TCEA1: variants seen among roughly 807,000 people sequenced by gnomAD.
TCEA1 encodes transcription elongation factor A1, also known as transcription elongation factor A protein 1.
TCEA1 carries 21 observed loss-of-function variants against 43.8 expected under a neutral mutation model. That is an observed-to-expected ratio of 0.48 (90% CI 0.34 to 0.69). The LOEUF is 0.69. Among genes scored for constraint, TCEA1 ranks in the 30% least tolerant of loss-of-function variants. The probability of loss-of-function intolerance (pLI) is 0.01; values close to 1 mark genes in which losing one functional copy is unlikely to be tolerated. For missense variants in TCEA1, 250 were observed against 365.1 expected (o/e 0.68, Z 2.57); for synonymous variants, 104 against 117.5 (o/e 0.88, Z 0.75).
intron 9 of TCEA1, among the ~76,000 whole-genome samples, chr8:53,969,334 A>G (rs1026652424): frequency 6.6e-6 from 1 of 152,084 alleles, no homozygotes; most frequent in African/African-American, 2.4e-5. Flanking sequence ...ACTGGCCCCA[A>G]CCCCTTAAAG....
At chr8:53,999,850 AAAAATGTAACCATTAACTAACCAT>A in intron 3 of TCEA1, 71 bp downstream of exon 3, 1 of 882,906 alleles carries the variant, frequency 1.1e-6, no homozygotes, top group Non-Finnish European at 1.8e-6. Context: ...TCACTAAGAA[AAAAATGTAACCATTAACTAACCAT>A]AAAATGTAAC....
chr8:53,988,007 TGGGC>T (rs1297540974), intron 5 of TCEA1, 103 bp downstream of exon 5: 7 of 1,351,710 alleles, frequency 5.2e-6, no homozygotes, highest in Non-Finnish European at 6.9e-6. Context: ...CAGCAGTGGG[TGGGC>T]TATCCACAGG....
At chr8:53,986,295 A>G (rs1298906334) in intron 6 of TCEA1, among the ~76,000 whole-genome samples, 1 of 152,232 alleles carries the variant, frequency 6.6e-6, no homozygotes, top group Non-Finnish European at 1.5e-5. Flanking sequence ...CAAAGCCCAG[A>G]GTCCTCAGCT....
At chr8:53,998,284 T>C (rs1191665315) in intron 3 of TCEA1, among the ~76,000 whole-genome samples, 2 of 152,120 alleles carry the variant, frequency 1.3e-5, no homozygotes, top group Non-Finnish European at 2.9e-5. Flanking sequence ...TATATGAGAG[T>C]TATGTGATAT....
chr8:53,978,971 C>T, intron 8 of TCEA1, 54 bp downstream of exon 8: 1 of 1,527,956 alleles, frequency 6.5e-7, no homozygotes, highest in South Asian at 1.2e-5. Flanking sequence ...TATTTTAAAA[C>T]AGGAGTTGCA....
chr8:53,991,190 C>T (rs1486668587), intron 4 of TCEA1, among the ~76,000 whole-genome samples: 2 of 151,964 alleles, frequency 1.3e-5, no homozygotes, highest in Non-Finnish European at 2.9e-5. Flanking sequence ...GTCAGGAGTT[C>T]GAGACCAGCC....
intron 8 of TCEA1, among the ~76,000 whole-genome samples, chr8:53,975,455 G>C (rs1192760082): frequency 6.6e-6 from 1 of 152,098 alleles, no homozygotes; most frequent in Non-Finnish European, 1.5e-5. Context: ...GTTCACAGTA[G>C]CATTATTCAC....
chr8:54,017,350 A>G (rs1237630525), intron 1 of TCEA1, among the ~76,000 whole-genome samples: 1 of 152,242 alleles, frequency 6.6e-6, no homozygotes, highest in Non-Finnish European at 1.5e-5. Context: ...GCAACCCTAG[A>G]TGACAAAACC....
chr8:54,001,700 C>T (rs1804269352), intron 2 of TCEA1, among the ~76,000 whole-genome samples: 1 of 152,150 alleles, frequency 6.6e-6, no homozygotes, highest in Non-Finnish European at 1.5e-5. Context: ...GAATTGTGTA[C>T]TGCTGGGTGA....
intron 8 of TCEA1, among the ~76,000 whole-genome samples, chr8:53,976,535 A>T (rs1204442218): frequency 6.6e-6 from 1 of 152,198 alleles, no homozygotes; most frequent in Admixed American, 6.5e-5. Context: ...ACACTTTGTG[A>T]TTCTAAGAAA....
At chr8:53,974,193 A>C (rs1235100657) in intron 8 of TCEA1, 2 of 155,454 alleles carry the variant, frequency 1.3e-5, no homozygotes, top group Non-Finnish European at 2.9e-5. Context: ...TTCAAGCAAG[A>C]AAAAAAAAGT....
At chr8:53,998,479 C>T (rs994772705) in intron 3 of TCEA1, among the ~76,000 whole-genome samples, 3 of 151,896 alleles carry the variant, frequency 2.0e-5, no homozygotes, top group Admixed American at 1.3e-4. Context: ...AGGCAGGGGA[C>T]CAGGAATGAG....
chr8:53,997,047 A>G (rs990713386), intron 3 of TCEA1, among the ~76,000 whole-genome samples: 12 of 151,832 alleles, frequency 7.9e-5, no homozygotes, highest in Admixed American at 7.2e-4. Flanking sequence ...CTGGGACTAC[A>G]GGTGCTCACC....
At chr8:53,984,540 A>G (rs373888938) in intron 6 of TCEA1, 23 bp from the exon 7 acceptor site, 13 of 1,526,992 alleles carry the variant, frequency 8.5e-6, no homozygotes, top group Non-Finnish European at 1.1e-5. Context: ...TAAGGAAAAA[A>G]GGCAAAATTA....
Position 54,007,482 on chromosome 8 carries a change from T to A in TCEA1, c.126+2948A>T, listed in dbSNP as rs371264656. Reference sequence around the variant, plus strand: ...AGGCACGAGCCACTGTGCCAAGCCCTTCCTTATTAAAACATTAAGACCTAG... The same window carrying A: ...AGGCACGAGCCACTGTGCCAAGCCCATCCTTATTAAAACATTAAGACCTAG... On this transcript the variant is annotated intron_variant, in intron 2 of 9. Coordinates refer to ENST00000521604, the MANE Select transcript of TCEA1 (RefSeq NM_006756.4). Among the ~76,000 whole-genome samples the A allele has an allele frequency of 3.3e-5, 5 of 152,176 alleles. 1 individual carries two copies. In the East Asian group the frequency reaches 9.6e-4, roughly 29 times the overall value.
intron 7 of TCEA1, among the ~76,000 whole-genome samples, chr8:53,981,206 CT>C (rs1173960923): frequency 6.6e-6 from 1 of 152,186 alleles, no homozygotes; most frequent in Non-Finnish European, 1.5e-5. Flanking sequence ...GATGGAGAAG[CT>C]ACGGCAAGTT....
At chr8:54,015,173 T>A (rs1382007708) in intron 1 of TCEA1, among the ~76,000 whole-genome samples, 2 of 141,218 alleles carry the variant, frequency 1.4e-5, no homozygotes, top group South Asian at 2.1e-4. Flanking sequence ...TAAGATATTA[T>A]CCATTTTTTT....
chr8:53,996,248 C>A (rs754216498), intron 3 of TCEA1, among the ~76,000 whole-genome samples: 6 of 152,238 alleles, frequency 3.9e-5, no homozygotes, highest in Non-Finnish European at 7.3e-5. Flanking sequence ...CTATCTGATA[C>A]GGTGTTGTGG....
chr8:54,010,528 G>C, intron 1 of TCEA1, 36 bp from the exon 2 acceptor site: 4 of 1,517,190 alleles, frequency 2.6e-6, no homozygotes, highest in Non-Finnish European at 2.7e-6. Flanking sequence ...GAATTCCCAA[G>C]ATGGTAAAAC....
Sources: gnomAD v4.1 joint callset for allele counts (sites outside exome capture counted in the v4.1 genomes callset) on GRCh38, gnomAD v4.1.1 for gene constraint, MANE v1.5 for transcripts, NCBI Gene and HGNC (gene_info 2026-07-23, HGNC 2026-07-21) for gene names.